GGTA1: variants seen among roughly 807,000 people sequenced by gnomAD.
GGTA1 encodes the protein inactive N-acetyllactosaminide alpha-1,3-galactosyltransferase.
A neutral mutation model predicts 2.6 loss-of-function variants in GGTA1; 5 were observed. The observed-to-expected ratio is 1.92, with a 90% confidence interval of 1.00 to 4.04. The LOEUF (loss-of-function observed/expected upper bound fraction) is 4.04, where lower values mean the gene tolerates loss of function less well. Among genes scored for constraint, GGTA1 ranks in the 30% most tolerant of loss-of-function variants. The probability of loss-of-function intolerance (pLI) is 0.00; values close to 1 mark genes in which losing one functional copy is unlikely to be tolerated. For synonymous variants in GGTA1, 17 were observed against 5.0 expected (o/e 3.38, Z -3.19); for missense variants, 50 against 16.7 (o/e 2.99, Z -3.47).
chr9:121,472,386 T>G (rs976223336), intron 1 of GGTA1, among the ~76,000 whole-genome samples: 15 of 152,000 alleles, frequency 9.9e-5, no homozygotes, highest in Non-Finnish European at 8.8e-5. Flanking sequence ...GCACTGTGCC[T>G]GGCATCGTAT....
chr9:121,451,314 T>C (rs1181420243), downstream of GGTA1, among the ~76,000 whole-genome samples: 2 of 152,174 alleles, frequency 1.3e-5, no homozygotes, highest in Admixed American at 1.3e-4. Flanking sequence ...GCCTCCCAAG[T>C]AGCTGAGACT....
chr9:121,494,642 G>C (rs900748243), intron 1 of GGTA1: 2 of 152,264 alleles, frequency 1.3e-5, no homozygotes, highest in Non-Finnish European at 2.9e-5. Flanking sequence ...TCTGCACTAA[G>C]TTTGGCATCA....
Position 121,476,019 on chromosome 9 carries a change from C to A in GGTA1, c.-9-8088G>T, listed in dbSNP as rs1201525911. 1.3e-5 allele frequency among the ~76,000 whole-genome samples: 2 copies of A among 152,156 alleles called. No individual in the cohort carries two copies. The highest frequency in any genetic ancestry group is 2.9e-5 in the Non-Finnish European group (2 of 68,032). ...ATTCTAACACCCTCCTCAAAGGGTTCTTGAAAGCATACTGTGCCCATGGTC... is the reference window on the plus strand; with the variant it reads ...ATTCTAACACCCTCCTCAAAGGGTTATTGAAAGCATACTGTGCCCATGGTC... On this transcript the variant is annotated intron_variant, in intron 1 of 5. Transcript: ENST00000481799. This position sits in a 1 kb window ranked among gnomAD's most constrained non-coding sequence, Gnocchi z 4.6.
intron 5 of GGTA1, among the ~76,000 whole-genome samples, chr9:121,456,050 C>T (rs774707380): frequency 2.6e-5 from 4 of 151,920 alleles, no homozygotes; most frequent in Non-Finnish European, 5.9e-5. Flanking sequence ...CTGGATGAAC[C>T]GCTGCATCAA....
chr9:121,496,484 A>AT (rs1301355333), intron 1 of GGTA1, among the ~76,000 whole-genome samples: 4 of 151,990 alleles, frequency 2.6e-5, no homozygotes. Flanking sequence ...CAATCCCATC[A>AT]TTTTGGGAGG....
intron 1 of GGTA1, chr9:121,479,206 A>C: frequency 2.3e-6 from 1 of 432,292 alleles, no homozygotes; most frequent in East Asian, 7.1e-5. Flanking sequence ...GAAGCAAATC[A>C]TTTCACCATC....
downstream of GGTA1, among the ~76,000 whole-genome samples, chr9:121,453,190 G>A (rs2064886987): frequency 6.6e-6 from 1 of 152,226 alleles, no homozygotes; most frequent in South Asian, 2.1e-4. Context: ...GGAGACAAAG[G>A]CGCCAGAAAG....
At chr9:121,491,338 T>A (rs1828865000) in intron 1 of GGTA1, among the ~76,000 whole-genome samples, 1 of 152,144 alleles carries the variant, frequency 6.6e-6, no homozygotes, top group Non-Finnish European at 1.5e-5. Flanking sequence ...AGCCCCAACA[T>A]CACCCTTCGC....
At chr9:121,488,104 T>TGTGTGTGC (rs1310224847) in intron 1 of GGTA1, among the ~76,000 whole-genome samples, 1 of 114,810 alleles carries the variant, frequency 8.7e-6, no homozygotes, top group Non-Finnish European at 1.8e-5. Flanking sequence ...TGGATGTGTG[T>TGTGTGTGC]GTGTGTGCGT....
At chr9:121,464,905 A>G (rs2064991259) in intron 2 of GGTA1, among the ~76,000 whole-genome samples, 1 of 151,952 alleles carries the variant, frequency 6.6e-6, no homozygotes, top group Admixed American at 6.6e-5. Context: ...TTTTTAATCC[A>G]TTTTAGCTTA....
At position 121,496,861 on chromosome 9, in the gene GGTA1, A is replaced by G. The variant is rs113160491; in HGVS notation, c.-10+2789T>C. 8.7e-3 allele frequency among the ~76,000 whole-genome samples: 1,318 copies of G among 152,056 alleles called. 9 individuals carry two copies. The highest frequency in any genetic ancestry group is 0.012 in the Non-Finnish European group (793 of 67,968). ...ACAGAATGAGACTCTGTCTCAAACA[A>G]ACAAAAAAAAGAGTTGTCAAATCAA... On this transcript the variant is annotated intron_variant, in intron 1 of 5. Coordinates refer to ENST00000481799, the MANE Select transcript of GGTA1 (RefSeq NM_001382585.1).
chr9:121,477,503 A>G (rs934459462), intron 1 of GGTA1, among the ~76,000 whole-genome samples: 3 of 145,256 alleles, frequency 2.1e-5, no homozygotes, highest in Non-Finnish European at 4.5e-5. Context: ...AGTCTTTGTT[A>G]TTTGTTGTGA....
intron 1 of GGTA1, among the ~76,000 whole-genome samples, chr9:121,486,167 GAC>G (rs1478518206): frequency 1.3e-5 from 2 of 152,198 alleles, no homozygotes; most frequent in Non-Finnish European, 2.9e-5. Context: ...CAGGAAATGT[GAC>G]AGAGGCTGAT....
intron 2 of GGTA1, among the ~76,000 whole-genome samples, chr9:121,465,019 CA>C (rs1175876346): frequency 2.3e-5 from 3 of 132,752 alleles, no homozygotes; most frequent in Non-Finnish European, 3.4e-5. Context: ...AAAAAAAAAA[CA>C]AAAAACAACT....
At chr9:121,471,566 A>G (rs747797927) in intron 1 of GGTA1, among the ~76,000 whole-genome samples, 4 of 152,214 alleles carry the variant, frequency 2.6e-5, no homozygotes, top group Non-Finnish European at 5.9e-5. Flanking sequence ...CCAGTTAAAG[A>G]AGAGAAAGAG....
intron 1 of GGTA1, among the ~76,000 whole-genome samples, chr9:121,490,301 C>A (rs1273091447): frequency 6.6e-6 from 1 of 152,190 alleles, no homozygotes; most frequent in African/African-American, 2.4e-5. Context: ...CACTAAAGTG[C>A]TCAATGTCAG....
chr9:121,469,578 G>C (rs1828336821), intron 1 of GGTA1, among the ~76,000 whole-genome samples: 1 of 152,202 alleles, frequency 6.6e-6, no homozygotes, highest in Non-Finnish European at 1.5e-5. Context: ...TGGAGAATGA[G>C]GTGGCAGACT....
At chr9:121,454,291 A>T (rs1044093544), downstream of GGTA1, among the ~76,000 whole-genome samples, 4 of 152,230 alleles carry the variant, frequency 2.6e-5, no homozygotes, top group African/African-American at 9.6e-5. Context: ...TTTCTCATTT[A>T]GTCTCTGCAA....
intron 1 of GGTA1, among the ~76,000 whole-genome samples, chr9:121,491,685 C>G (rs1828872758): frequency 6.6e-6 from 1 of 152,044 alleles, no homozygotes; most frequent in South Asian, 2.1e-4. Flanking sequence ...TCTCAGCTCA[C>G]TGCAACCTCT....
Sources: allele counts gnomAD v4.1 joint callset (sites outside exome capture counted in the v4.1 genomes callset), GRCh38; gene constraint gnomAD v4.1.1; non-coding constraint Gnocchi (gnomAD v3.1); transcripts MANE v1.5; gene names NCBI Gene and HGNC (gene_info 2026-07-23, HGNC 2026-07-21).